Variants in KCNIP4 observed in about 807,000 individuals in gnomAD.
The protein encoded by KCNIP4 is Kv channel-interacting protein 4.
A neutral mutation model predicts 34.0 loss-of-function variants in KCNIP4; 12 were observed. The observed-to-expected ratio is 0.35, with a 90% CI of 0.23 to 0.57. The LOEUF (loss-of-function observed/expected upper bound fraction) is 0.57, where lower values mean the gene tolerates loss of function less well. Ranked by LOEUF, KCNIP4 falls within the 20% of genes least tolerant of loss-of-function variation. The probability of loss-of-function intolerance (pLI) is 0.83; values close to 1 mark genes in which losing one functional copy is unlikely to be tolerated. For missense variants in KCNIP4, 238 were observed against 311.7 expected (o/e 0.76, Z 1.78); for synonymous variants, 124 against 102.2 (o/e 1.21, Z -1.29).
At chr4:21,001,224 C>T (rs146783063) in intron 1 of KCNIP4, among the ~76,000 whole-genome samples, 4 of 152,252 alleles carry the variant, frequency 2.6e-5, no homozygotes, top group African/African-American at 9.6e-5. Flanking sequence ...AATACATCAC[C>T]CTTAAATATT....
chr4:21,094,320 A>C (rs1747277451), intron 1 of KCNIP4, among the ~76,000 whole-genome samples: 1 of 152,188 alleles, frequency 6.6e-6, no homozygotes, highest in Non-Finnish European at 1.5e-5. Context: ...TCATACAATG[A>C]AAATTTTACC....
intron 1 of KCNIP4, among the ~76,000 whole-genome samples, chr4:21,828,705 T>A (rs1722810736): frequency 6.6e-6 from 1 of 151,950 alleles, no homozygotes; most frequent in South Asian, 2.1e-4. Context: ...CATGAAATCA[T>A]GTCTCCGAGT....
At chr4:20,864,640 T>A (rs1722684867) in intron 2 of KCNIP4, among the ~76,000 whole-genome samples, 1 of 151,940 alleles carries the variant, frequency 6.6e-6, no homozygotes, top group Admixed American at 6.6e-5. Context: ...TATCTAGAAT[T>A]CATGCACCCA....
chr4:21,312,591 C>G (rs1713305379), intron 1 of KCNIP4, among the ~76,000 whole-genome samples: 1 of 152,166 alleles, frequency 6.6e-6, no homozygotes, highest in South Asian at 2.1e-4. Flanking sequence ...GTTTCTCATA[C>G]TTCTCTGGAA....
At chr4:21,314,097 T>C (rs143389614) in intron 1 of KCNIP4, among the ~76,000 whole-genome samples, 1 of 152,306 alleles carries the variant, frequency 6.6e-6, no homozygotes, top group African/African-American at 2.4e-5. Flanking sequence ...CCCTGCTTTC[T>C]TGCTAGCTGT....
At chr4:20,901,369 G>C (rs1407512765) in intron 1 of KCNIP4, among the ~76,000 whole-genome samples, 5 of 152,130 alleles carry the variant, frequency 3.3e-5, no homozygotes, top group Admixed American at 3.3e-4. Context: ...GCCTCACCCG[G>C]TAGCTTGTTA....
intron 1 of KCNIP4, among the ~76,000 whole-genome samples, chr4:21,570,097 T>C (rs1485810631): frequency 6.6e-6 from 1 of 152,108 alleles, no homozygotes; most frequent in African/African-American, 2.4e-5. Flanking sequence ...CAGAAAAGAA[T>C]CCTTCTTCCA....
intron 1 of KCNIP4, among the ~76,000 whole-genome samples, chr4:21,804,766 G>GA (rs1398577494): frequency 6.6e-6 from 1 of 152,116 alleles, no homozygotes; most frequent in East Asian, 1.9e-4. Flanking sequence ...GTGACTTAAT[G>GA]AAAACTTTAT....
intron 1 of KCNIP4, among the ~76,000 whole-genome samples, chr4:21,503,297 A>C (rs548185503): frequency 5.7e-4 from 87 of 152,310 alleles, no homozygotes; most frequent in African/African-American, 2.1e-3. Flanking sequence ...TATATAAAGC[A>C]GTCACAACAA....
chr4:21,399,990 T>C (rs1335302020), intron 1 of KCNIP4, among the ~76,000 whole-genome samples: 1 of 152,120 alleles, frequency 6.6e-6, no homozygotes, highest in African/African-American at 2.4e-5. Context: ...AGTTAGTTAT[T>C]ACAGTGTCAT....
intron 1 of KCNIP4, among the ~76,000 whole-genome samples, chr4:20,998,700 A>G (rs1238434248): frequency 6.6e-6 from 1 of 152,250 alleles, no homozygotes; most frequent in Non-Finnish European, 1.5e-5. Flanking sequence ...TTGTCTCTTC[A>G]TCAGTGGCAG....
chr4:21,947,586 C>T (rs1190444251), intron 1 of KCNIP4, among the ~76,000 whole-genome samples: 1 of 152,142 alleles, frequency 6.6e-6, no homozygotes, highest in Non-Finnish European at 1.5e-5. Flanking sequence ...ACTCCATTTC[C>T]CTGAGTACTA....
intron 1 of KCNIP4, among the ~76,000 whole-genome samples, chr4:21,222,292 G>A (rs1448920918): frequency 6.6e-6 from 1 of 152,056 alleles, no homozygotes; most frequent in African/African-American, 2.4e-5. Flanking sequence ...AGAGGAATTA[G>A]CAATCAAAGG....
At chr4:21,831,482 T>TA (rs1305759369) in intron 1 of KCNIP4, among the ~76,000 whole-genome samples, 1 of 151,794 alleles carries the variant, frequency 6.6e-6, no homozygotes, top group Non-Finnish European at 1.5e-5. Context: ...TAACAACTGA[T>TA]ACCACAGAAA....
At chr4:21,779,606 A>C (rs2109209701) in intron 1 of KCNIP4, among the ~76,000 whole-genome samples, 1 of 152,276 alleles carries the variant, frequency 6.6e-6, no homozygotes, top group East Asian at 1.9e-4. Flanking sequence ...AGGAAAAATA[A>C]GAATATACAA....
chr4:20,927,135 C>T (rs958866765), intron 1 of KCNIP4, among the ~76,000 whole-genome samples: 3 of 152,050 alleles, frequency 2.0e-5, no homozygotes, highest in African/African-American at 7.2e-5. Context: ...CATGTCACCA[C>T]ACCTGGCTAA....
At chr4:21,283,529 A>T (rs1447219600) in intron 1 of KCNIP4, among the ~76,000 whole-genome samples, 1 of 151,714 alleles carries the variant, frequency 6.6e-6, no homozygotes, top group Admixed American at 6.6e-5. Context: ...ATGATATTCA[A>T]ATATTTGTCT....
At chr4:21,935,004 C>T (rs1729776426) in intron 1 of KCNIP4, among the ~76,000 whole-genome samples, 1 of 152,022 alleles carries the variant, frequency 6.6e-6, no homozygotes, top group Non-Finnish European at 1.5e-5. Flanking sequence ...TTCTTCTGTC[C>T]TCTGTCATCT....
chr4:21,389,396 G>T (rs895611296), intron 1 of KCNIP4, among the ~76,000 whole-genome samples: 1 of 151,474 alleles, frequency 6.6e-6, no homozygotes, highest in Non-Finnish European at 1.5e-5. Context: ...TTGGTGTGCT[G>T]CACCCATTAA....
Sources: gnomAD v4.1 joint callset for allele counts (sites outside exome capture counted in the v4.1 genomes callset) on GRCh38, gnomAD v4.1.1 for gene constraint, MANE v1.5 for transcripts, NCBI Gene and HGNC (gene_info 2026-07-23, HGNC 2026-07-21) for gene names.